SOX5: variants seen among roughly 807,000 people sequenced by gnomAD.
SOX5 encodes the protein SRY-box transcription factor 5, also known as transcription factor SOX-5.
Under a neutral mutation model 92.0 loss-of-function variants are expected in SOX5, and 9 were observed. The ratio of observed to expected loss-of-function variants is 0.10; its 90% CI spans 0.06 to 0.17. The LOEUF (loss-of-function observed/expected upper bound fraction) is 0.17, where lower values mean the gene tolerates loss of function less well. SOX5 is among the 10% of genes least tolerant of loss of function. The pLI, the probability that SOX5 is intolerant of heterozygous loss-of-function variation, is 1.00. For synonymous variants in SOX5, 344 were observed against 336.3 expected, an observed-to-expected ratio of 1.02 and a Z score of -0.25; for missense variants, 642 against 944.5, an observed-to-expected ratio of 0.68 and a Z score of 4.20.
intron 2 of SOX5, among the ~76,000 whole-genome samples, chr12:23,858,603 T>C (rs1445285387): frequency 1.3e-5 from 2 of 152,140 alleles, no homozygotes; most frequent in Non-Finnish European, 2.9e-5. Context: ...GGTGGGAGTG[T>C]AAATTAGTTC....
chr12:24,303,404 T>C (rs1948215616), intron 2 of SOX5, among the ~76,000 whole-genome samples: 1 of 152,142 alleles, frequency 6.6e-6, no homozygotes, highest in Non-Finnish European at 1.5e-5. Flanking sequence ...CACTGAAAAA[T>C]GTCAAGTGAA....
Position 23,832,876 on chromosome 12 carries a change from A to G in SOX5, c.481+13107T>C, listed in dbSNP as rs143860528. Among the ~76,000 whole-genome samples the G allele has an allele frequency of 9.6e-3, 1,457 of 151,998 alleles. 25 individuals are homozygous for G. The highest frequency in any genetic ancestry group is 0.034 in the African/African-American group (1,399 of 41,478). On this transcript the variant is annotated intron_variant, in intron 3 of 14. Transcript: ENST00000451604. ...AAATTCAAGAACCAAAATAGATAAA[A>G]TTATACCCCAAATATTGCTAAATAT... is the stretch of plus-strand genomic sequence containing the variant.
chr12:23,974,117 T>A (rs1424636445), intron 4 of SOX5, among the ~76,000 whole-genome samples: 1 of 152,092 alleles, frequency 6.6e-6, no homozygotes, highest in Non-Finnish European at 1.5e-5. Flanking sequence ...AATAGAAAAA[T>A]TAGAACAATG....
chr12:24,223,883 G>A (rs1199493434), intron 3 of SOX5, among the ~76,000 whole-genome samples: 1 of 152,218 alleles, frequency 6.6e-6, no homozygotes, highest in South Asian at 2.1e-4. Context: ...CCTATTGTTA[G>A]AGATGCTTTT....
chr12:23,672,172 C>T (rs2139597795), intron 6 of SOX5, among the ~76,000 whole-genome samples: 1 of 152,186 alleles, frequency 6.6e-6, no homozygotes, highest in East Asian at 1.9e-4. Flanking sequence ...CAAGTGCTAA[C>T]TCTGCCTCCA....
intron 1 of SOX5, among the ~76,000 whole-genome samples, chr12:23,944,944 T>C (rs539362386): frequency 2.4e-4 from 36 of 152,242 alleles, no homozygotes; most frequent in Admixed American, 1.0e-3. Flanking sequence ...GATAACCCCA[T>C]TGAAATTATA....
intron 11 of SOX5, among the ~76,000 whole-genome samples, chr12:23,554,912 A>C (rs1354891668): frequency 6.6e-6 from 1 of 152,132 alleles, no homozygotes; most frequent in Non-Finnish European, 1.5e-5. Context: ...CTTCATTGTA[A>C]GTAAGTGTCT....
intron 1 of SOX5, among the ~76,000 whole-genome samples, chr12:24,369,093 G>A (rs1956460953): frequency 6.6e-6 from 1 of 152,268 alleles, no homozygotes; most frequent in East Asian, 1.9e-4. Context: ...AGGAGACAAC[G>A]CCTAGCATGC....
intron 4 of SOX5, among the ~76,000 whole-genome samples, chr12:24,035,731 AT>A (rs1269379625): frequency 6.6e-6 from 1 of 152,126 alleles, no homozygotes; most frequent in Non-Finnish European, 1.5e-5. Flanking sequence ...TAGTTGAAAA[AT>A]ATTTCAAATT....
At chr12:24,350,827 T>C (rs1953983651) in intron 2 of SOX5, among the ~76,000 whole-genome samples, 1 of 152,228 alleles carries the variant, frequency 6.6e-6, no homozygotes, top group Admixed American at 6.5e-5. Flanking sequence ...CCAAGGCAGG[T>C]GGATCACTTG....
chr12:23,537,539 T>C (rs1314133725), intron 13 of SOX5, among the ~76,000 whole-genome samples: 1 of 152,210 alleles, frequency 6.6e-6, no homozygotes, highest in Non-Finnish European at 1.5e-5. Context: ...GATTTTCTCT[T>C]AATAAATCAA....
intron 6 of SOX5, among the ~76,000 whole-genome samples, chr12:23,684,021 G>C (rs1299641796): frequency 6.6e-6 from 1 of 151,964 alleles, no homozygotes; most frequent in Non-Finnish European, 1.5e-5. Flanking sequence ...GAGTAGGGTA[G>C]AGAAGGGAAA....
intron 4 of SOX5, among the ~76,000 whole-genome samples, chr12:24,175,799 G>A (rs1012069053): frequency 6.6e-6 from 1 of 151,932 alleles, no homozygotes; most frequent in Non-Finnish European, 1.5e-5. Context: ...ATAAGGAATG[G>A]GTATTATCAT....
intron 1 of SOX5, among the ~76,000 whole-genome samples, chr12:24,399,076 C>T (rs913311284): frequency 9.2e-5 from 14 of 152,152 alleles, no homozygotes; most frequent in African/African-American, 2.9e-4. Flanking sequence ...AAAACGGCCA[C>T]GGTCTTTCCA....
At chr12:23,846,941 T>C (rs2096582126) in intron 2 of SOX5, among the ~76,000 whole-genome samples, 1 of 152,182 alleles carries the variant, frequency 6.6e-6, no homozygotes, top group South Asian at 2.1e-4. Flanking sequence ...TTCATAGTCA[T>C]GTGGGTATGT....
chr12:24,275,322 T>C (rs1361612509), intron 3 of SOX5, among the ~76,000 whole-genome samples: 1 of 152,178 alleles, frequency 6.6e-6, no homozygotes, highest in Non-Finnish European at 1.5e-5. Flanking sequence ...GTTTGTAATA[T>C]ATATGCACAT....
At chr12:23,708,182 A>ATT (rs34102978) in intron 6 of SOX5, among the ~76,000 whole-genome samples, 17 of 146,160 alleles carry the variant, frequency 1.2e-4, no homozygotes, top group Non-Finnish European at 1.1e-4. Context: ...TCTGGGAACT[A>ATT]TTTTTTTTTT....
At chr12:24,501,267 G>A (rs1251661264) in intron 1 of SOX5, among the ~76,000 whole-genome samples, 2 of 151,810 alleles carry the variant, frequency 1.3e-5, no homozygotes, top group African/African-American at 2.4e-5. Context: ...ATCTTGTTGA[G>A]CTTGCATTAT....
chr12:23,642,062 T>C (rs796130400), intron 7 of SOX5, among the ~76,000 whole-genome samples: 8 of 152,354 alleles, frequency 5.3e-5, no homozygotes, highest in African/African-American at 1.9e-4. Context: ...TCTTGCAGTA[T>C]GTTCACTGCG....
Sources: gnomAD v4.1 joint callset for allele counts (sites outside exome capture counted in the v4.1 genomes callset) on GRCh38, gnomAD v4.1.1 for gene constraint, MANE v1.5 for transcripts, NCBI Gene and HGNC (gene_info 2026-07-23, HGNC 2026-07-21) for gene names.